The following TTC13 variants were observed in gnomAD, a reference collection of about 807,000 sequenced individuals.
The protein encoded by TTC13 is tetratricopeptide repeat protein 13.
Under a neutral mutation model 120.0 loss-of-function variants are expected in TTC13, and 62 were observed. That is an observed-to-expected ratio of 0.52 (90% CI 0.42 to 0.64). The LOEUF (loss-of-function observed/expected upper bound fraction) is 0.64, where lower values mean the gene tolerates loss of function less well. Ranked by LOEUF, TTC13 falls within the 30% of genes least tolerant of loss-of-function variation. The probability of loss-of-function intolerance (pLI) is 0.00; values close to 1 mark genes in which losing one functional copy is unlikely to be tolerated. For missense variants in TTC13, 824 were observed against 1,050.2 expected, an observed-to-expected ratio of 0.78 and a Z score of 2.98; for synonymous variants, 384 against 393.5, an observed-to-expected ratio of 0.98 and a Z score of 0.28.
In TTC13 at chr1:230,961,135, CG is replaced by C. The variant is rs1358710056; in HGVS notation, c.366+73del. On this transcript the variant is annotated intron_variant, in intron 2 of 22. Coordinates refer to ENST00000366661, the MANE Select transcript of TTC13 (RefSeq NM_024525.5). ...AGGCCCAACTTCTAGTTGACAGAGG[CG>C]ACTTCCACTTTTTGGAACTAGTATC... 4.3e-6 allele frequency: 5 copies of C among 1,174,452 alleles called. No homozygotes were observed. The African/African-American group carries it at 7.6e-5, about 18-fold the overall frequency. The allele number at this position is 1,174,452 out of a possible 1,614,324, so 72.8% of individuals were successfully genotyped here. A position where few individuals can be genotyped will look rare whatever the true frequency, so the allele number is the denominator to read the frequency against.
chr1:230,975,280 A>G (rs1678166682), intron 1 of TTC13, among the ~76,000 whole-genome samples: 1 of 152,098 alleles, frequency 6.6e-6, no homozygotes, highest in Non-Finnish European at 1.5e-5. Flanking sequence ...AAGCTGAGGC[A>G]GGACGATGGC....
intron 17 of TTC13, among the ~76,000 whole-genome samples, chr1:230,916,843 G>A (rs1264797029): frequency 2.0e-5 from 3 of 152,184 alleles, no homozygotes; most frequent in Non-Finnish European, 4.4e-5. Context: ...GAATTACTCG[G>A]AGTTAAGAAT....
chr1:230,907,419 C>T (rs1671037627), intron 22 of TTC13, among the ~76,000 whole-genome samples: 1 of 152,230 alleles, frequency 6.6e-6, no homozygotes, highest in South Asian at 2.1e-4. Flanking sequence ...GCAAAGTTAC[C>T]ATGAGCTCTG....
At chr1:230,974,639 A>G (rs1260076485) in intron 1 of TTC13, among the ~76,000 whole-genome samples, 1 of 152,204 alleles carries the variant, frequency 6.6e-6, no homozygotes, top group Non-Finnish European at 1.5e-5. Context: ...CTAACGACAC[A>G]TTTCTCAAAA....
At chr1:230,968,346 G>A (rs896087910) in intron 1 of TTC13, among the ~76,000 whole-genome samples, 9 of 151,290 alleles carry the variant, frequency 5.9e-5, no homozygotes, top group African/African-American at 9.7e-5. Context: ...AAAACAACCC[G>A]GGTCTATTTC....
chr1:230,908,544 A>G, intron 22 of TTC13, 168 bp downstream of exon 22: 1 of 639,476 alleles, frequency 1.6e-6, no homozygotes, highest in Non-Finnish European at 2.7e-6. Context: ...CTTATACAAC[A>G]GCAAAACATT....
At position 230,940,521 on chromosome 1, in the gene TTC13, C is replaced by T. The variant is rs1320243080; in HGVS notation, c.708G>A (p.Val236=). 1.9e-6 allele frequency: 3 copies of T among 1,613,540 alleles called. No homozygotes were observed. The highest frequency in any genetic ancestry group is 1.7e-5 in the Admixed American group (1 of 60,020). The change falls in exon 7 of 23, where the codon GTG becomes GTA. Residue 236 remains valine, a synonymous_variant. Transcript: ENST00000366661. This position sits in a 1 kb window ranked among gnomAD's most constrained non-coding sequence, Gnocchi z 4.1. ...GTTGGATAGCTTTAGTGAGGTCATT[C>T]ACTGCTTCATTAATTCGTCCCAGAG... ...LSPLGRINEA[V]NDLTKAIQLQ...
chr1:230,940,441 T>C lies in TTC13; in HGVS notation c.788A>G (p.Glu263Gly). 6.3e-7 allele frequency: 1 copy of C among 1,599,122 alleles called. No homozygotes were observed. Among genetic ancestry groups the C allele is most frequent in the Non-Finnish European group, 8.6e-7 (1 of 1,167,734 alleles). The change falls in exon 7 of 23, where the codon GAG becomes GGG. Residue 263 changes from glutamate (E) to glycine (G), a missense_variant and splice_region_variant. Physicochemically the swap from Glu to Gly is moderately conservative, Grantham distance 98. Transcript: ENST00000366661. This position sits in a 1 kb window ranked among gnomAD's most constrained non-coding sequence, Gnocchi z 4.1. ...TACTTCAAGACAAAAACCAGTCACC[T>C]CTGATATGAAGTACAGGGTTCCCCG... ...RHRGTLYFIS[E>G]DYATAHEDFQ...
In TTC13 at chr1:230,962,143, G is replaced by C. The variant is rs1280447658; in HGVS notation, c.272-840C>G. Among the ~76,000 whole-genome samples the C allele has an allele frequency of 2.0e-5, 3 of 151,764 alleles. No homozygotes were observed. The South Asian group carries it at 6.2e-4, about 32-fold the overall frequency. The stretch of plus-strand genomic sequence containing the variant: ...GAGAATCGCTTGAACCCGGGAGGCA[G>C]AGGTTGCCGTGAGCCGAGACTGTGC... On this transcript the variant is annotated intron_variant, in intron 1 of 22. Transcript: ENST00000366661.
At chr1:230,922,903 A>T (rs759237837) in intron 15 of TTC13, among the ~76,000 whole-genome samples, 5 of 152,230 alleles carry the variant, frequency 3.3e-5, no homozygotes, top group Non-Finnish European at 7.3e-5. Context: ...GATCTACGGT[A>T]GCCTTCGATT....
chr1:230,931,974 A>G (rs1212939818), intron 9 of TTC13, 97 bp from the exon 10 acceptor site: 1 of 1,199,782 alleles, frequency 8.3e-7, no homozygotes, highest in Non-Finnish European at 1.2e-6. Context: ...TGTAAACAAG[A>G]TACCTTGATG....
chr1:230,961,335 C>T lies in TTC13; in HGVS notation c.272-32G>A, dbSNP rs765185779. ...GGCAAGCATTCTTTGTTATTCTCTA[C>T]ACCTTAATTTATGCTCTTAGGTGCT... On this transcript the variant is annotated intron_variant, in intron 1 of 22. Transcript: ENST00000366661. 2.9e-5 allele frequency: 43 copies of T among 1,500,938 alleles called. No homozygotes were observed. The East Asian group carries it at 4.3e-4, about 15-fold the overall frequency. 93.0% of individuals were successfully genotyped at this position (1,500,938 alleles called of 1,614,324 possible).
rs769419251 is a variant in TTC13 at position 230,939,515 on chromosome 1, G to A, written c.790-19C>T. The A allele has an allele frequency of 5.9e-6, 9 of 1,517,618 alleles. No homozygotes were observed. In the Admixed American group the frequency reaches 1.6e-4, roughly 27 times the overall value. The allele number at this position is 1,517,618 out of a possible 1,614,324, so 94.0% of individuals were successfully genotyped here. On this transcript the variant is annotated intron_variant, in intron 7 of 22. Coordinates refer to ENST00000366661, the MANE Select transcript of TTC13 (RefSeq NM_024525.5). ...CATAGTCCTACAAAAAGGAGAGTGG[G>A]GGGAAAAATAAAATAGTATTCATTA...
intron 8 of TTC13, among the ~76,000 whole-genome samples, chr1:230,938,841 A>C (rs1674306808): frequency 6.6e-6 from 1 of 152,058 alleles, no homozygotes; most frequent in South Asian, 2.1e-4. Context: ...TTAGCACAGT[A>C]CTCCAGGATA....
chr1:230,960,686 C>T (rs1288412240), intron 2 of TTC13, among the ~76,000 whole-genome samples: 2 of 151,866 alleles, frequency 1.3e-5, no homozygotes, highest in Non-Finnish European at 2.9e-5. Context: ...TAAACTTGGA[C>T]ACGGAAAGAA....
rs778831776 is a variant in TTC13 at position 230,908,785 on chromosome 1, C to A, written c.2395G>T (p.Asp799Tyr). The A allele has an allele frequency of 6.2e-7, 1 of 1,612,644 alleles. No homozygotes were observed. The highest frequency in any genetic ancestry group is 1.7e-5 in the Admixed American group (1 of 59,936). ...CCAGGGGCTGTCATAGCTTCAAAGT[C>A]GACTAACTGAAAAAGAAAGACATTT... ...AGKIPKGKLVDFEAMTAPGSE... is the reference protein window; with the variant it reads ...AGKIPKGKLVYFEAMTAPGSE... Residue 799 changes from aspartate to tyrosine, a missense_variant, in exon 22 of 23, where the codon GAC becomes TAC. Around this residue, in one of 4 missense-constraint regions of TTC13, gnomAD observed 226 missense variants for 259.1 expected, o/e 0.87. Transcript: ENST00000366661.
rs1037611376 is a variant in TTC13 at position 230,940,149 on chromosome 1, C to T, written c.789+291G>A. Among the ~76,000 whole-genome samples the T allele has an allele frequency of 5.3e-5, 8 of 152,140 alleles. No individual in the cohort carries two copies. The highest frequency in any genetic ancestry group is 1.4e-4 in the African/African-American group (6 of 41,432). ...ACCTGCTTCCCTATGAGGACATTTGCGAGAAAGATTGACATACAATCCACA... is the reference window on the plus strand; with the variant it reads ...ACCTGCTTCCCTATGAGGACATTTGTGAGAAAGATTGACATACAATCCACA... On this transcript the variant is annotated intron_variant, in intron 7 of 22. Coordinates refer to ENST00000366661, the MANE Select transcript of TTC13 (RefSeq NM_024525.5). This position sits in a 1 kb window ranked among gnomAD's most constrained non-coding sequence, Gnocchi z 4.1.
intron 3 of TTC13, among the ~76,000 whole-genome samples, chr1:230,955,539 C>T (rs1294327803): frequency 2.0e-5 from 3 of 150,648 alleles, no homozygotes; most frequent in East Asian, 3.9e-4. Flanking sequence ...GGCGTGGTGG[C>T]GGGTGCCTGT....
intron 1 of TTC13, among the ~76,000 whole-genome samples, chr1:230,967,891 CAAGTA>C (rs1451325442): frequency 2.6e-5 from 4 of 152,162 alleles, no homozygotes; most frequent in African/African-American, 7.2e-5. Flanking sequence ...TTACGTCGTA[CAAGTA>C]AAGTTAGTGC....
Sources: allele counts gnomAD v4.1 joint callset (sites outside exome capture counted in the v4.1 genomes callset), GRCh38; gene constraint gnomAD v4.1.1; regional missense constraint gnomAD v4.1.1; non-coding constraint Gnocchi (gnomAD v3.1); transcripts MANE v1.5; gene names NCBI Gene and HGNC (gene_info 2026-07-23, HGNC 2026-07-21).